Variants in ZBTB7C observed in about 807,000 individuals in gnomAD.
ZBTB7C encodes the protein zinc finger and BTB domain-containing protein 7C.
In ZBTB7C, 8 loss-of-function variants were observed where a neutral mutation model predicts 25.7. The observed-to-expected ratio is 0.31, with a 90% CI of 0.18 to 0.56. ZBTB7C has a LOEUF of 0.56. Among genes scored for constraint, ZBTB7C ranks in the 20% least tolerant of loss-of-function variants. The probability of loss-of-function intolerance (pLI) is 0.91; values close to 1 mark genes in which losing one functional copy is unlikely to be tolerated. For missense variants in ZBTB7C, 824 were observed against 855.2 expected (o/e 0.96, Z 0.46); for synonymous variants, 394 against 369.0 (o/e 1.07, Z -0.78).
chr18:48,177,920 G>T (rs888083903), intron 3 of ZBTB7C, among the ~76,000 whole-genome samples: 6 of 152,124 alleles, frequency 3.9e-5, no homozygotes, highest in Non-Finnish European at 7.4e-5. Context: ...CTCCAGGGAG[G>T]CCTCAGACCA....
chr18:48,407,061 T>C (rs2048299159), intron 1 of ZBTB7C, among the ~76,000 whole-genome samples: 1 of 152,250 alleles, frequency 6.6e-6, no homozygotes. Flanking sequence ...AACCCACTCA[T>C]TGATGTTTAA....
At chr18:48,076,452 A>G (rs2037768018) in intron 3 of ZBTB7C, among the ~76,000 whole-genome samples, 1 of 152,126 alleles carries the variant, frequency 6.6e-6, no homozygotes, top group Non-Finnish European at 1.5e-5. Flanking sequence ...CAATGGGCAA[A>G]GGGCCACTGG....
At chr18:48,285,409 T>C (rs1242896594) in intron 2 of ZBTB7C, among the ~76,000 whole-genome samples, 1 of 152,248 alleles carries the variant, frequency 6.6e-6, no homozygotes, top group Non-Finnish European at 1.5e-5. Flanking sequence ...TATATTTTTC[T>C]CCTTACATTC....
chr18:48,225,351 A>C (rs1306303873), intron 2 of ZBTB7C, among the ~76,000 whole-genome samples: 1 of 151,718 alleles, frequency 6.6e-6, no homozygotes, highest in East Asian at 1.9e-4. Context: ...AGAGAATGTA[A>C]AGAAAGAGGA....
intron 2 of ZBTB7C, among the ~76,000 whole-genome samples, chr18:48,229,934 C>T (rs537637605): frequency 3.5e-4 from 53 of 152,274 alleles, no homozygotes; most frequent in African/African-American, 1.3e-3. Flanking sequence ...CTCTGCTTTC[C>T]GGGAAGCAGG....
At chr18:48,261,359 A>C (rs1488205614) in intron 2 of ZBTB7C, among the ~76,000 whole-genome samples, 1 of 151,990 alleles carries the variant, frequency 6.6e-6, no homozygotes. Context: ...GATAGACTAG[A>C]GCTGGAGCTC....
At chr18:48,326,235 A>G (rs2046216559) in intron 2 of ZBTB7C, among the ~76,000 whole-genome samples, 1 of 151,558 alleles carries the variant, frequency 6.6e-6, no homozygotes, top group African/African-American at 2.4e-5. Context: ...AGCTGGGATT[A>G]CAGGTGCGTG....
At chr18:48,318,696 T>C (rs2046013139) in intron 2 of ZBTB7C, among the ~76,000 whole-genome samples, 1 of 152,168 alleles carries the variant, frequency 6.6e-6, no homozygotes, top group Admixed American at 6.5e-5. Flanking sequence ...ACAGCATCTA[T>C]TGTTTGCTGA....
intron 3 of ZBTB7C, among the ~76,000 whole-genome samples, chr18:48,130,341 C>T (rs1422217172): frequency 6.6e-6 from 1 of 152,130 alleles, no homozygotes; most frequent in Non-Finnish European, 1.5e-5. Flanking sequence ...AGGAGCAAAG[C>T]TCTGGGGGCT....
chr18:48,344,370 G>T (rs892149722), intron 1 of ZBTB7C, among the ~76,000 whole-genome samples: 2 of 152,212 alleles, frequency 1.3e-5, no homozygotes, highest in Non-Finnish European at 2.9e-5. Flanking sequence ...GTGCTGTTCA[G>T]TAGGTCCCAG....
At chr18:48,258,226 T>C (rs79985567) in intron 2 of ZBTB7C, among the ~76,000 whole-genome samples, 3,756 of 152,272 alleles carry the variant, frequency 0.025, 164 homozygotes, top group African/African-American at 0.086. Flanking sequence ...CTGAATGTTC[T>C]AGCCAGTGCA....
chr18:48,194,153 A>T (rs1286951599), intron 2 of ZBTB7C, among the ~76,000 whole-genome samples: 3 of 152,222 alleles, frequency 2.0e-5, no homozygotes, highest in Non-Finnish European at 4.4e-5. Context: ...TCCAAGGAAC[A>T]AAGGCTTCAT....
intron 3 of ZBTB7C, among the ~76,000 whole-genome samples, chr18:48,083,479 C>A (rs1183594960): frequency 6.6e-6 from 1 of 152,150 alleles, no homozygotes; most frequent in Non-Finnish European, 1.5e-5. Flanking sequence ...CCTCCTCATA[C>A]AGAGGCAGCA....
intron 3 of ZBTB7C, among the ~76,000 whole-genome samples, chr18:48,127,090 C>T (rs567069441): frequency 6.6e-6 from 1 of 152,304 alleles, no homozygotes; most frequent in Admixed American, 6.5e-5. Context: ...TGGCTTTCCT[C>T]ATTCAGTCTT....
At chr18:48,322,967 T>C (rs183581421) in intron 2 of ZBTB7C, among the ~76,000 whole-genome samples, 48 of 152,330 alleles carry the variant, frequency 3.2e-4, no homozygotes, top group African/African-American at 1.1e-3. Flanking sequence ...AAACATCATA[T>C]GTTCTCTTTC....
At chr18:48,124,599 G>A (rs1370803871) in intron 3 of ZBTB7C, among the ~76,000 whole-genome samples, 1 of 152,178 alleles carries the variant, frequency 6.6e-6, no homozygotes, top group Non-Finnish European at 1.5e-5. Flanking sequence ...TTTGGAGATG[G>A]TGGGCTGAAC....
chr18:48,151,023 C>T (rs1052831247), intron 3 of ZBTB7C, among the ~76,000 whole-genome samples: 4 of 152,206 alleles, frequency 2.6e-5, no homozygotes, highest in Admixed American at 2.0e-4. Flanking sequence ...GCATTTTTCA[C>T]AGATCTCTAA....
At chr18:48,133,574 C>G (rs948321200) in intron 3 of ZBTB7C, among the ~76,000 whole-genome samples, 2 of 151,078 alleles carry the variant, frequency 1.3e-5, no homozygotes, top group Non-Finnish European at 2.9e-5. Context: ...ATATAAAGGG[C>G]CTGTGTCATC....
intron 3 of ZBTB7C, among the ~76,000 whole-genome samples, chr18:48,061,725 A>G (rs1286371741): frequency 6.6e-6 from 1 of 152,252 alleles, no homozygotes; most frequent in African/African-American, 2.4e-5. Context: ...AAAAGCATGG[A>G]GCCCACTGGA....
Sources: gnomAD v4.1 joint callset for allele counts (sites outside exome capture counted in the v4.1 genomes callset) on GRCh38, gnomAD v4.1.1 for gene constraint, MANE v1.5 for transcripts, NCBI Gene and HGNC (gene_info 2026-07-23, HGNC 2026-07-21) for gene names.